Variants in MME observed in about 807,000 individuals in gnomAD.
MME encodes the protein membrane metalloendopeptidase.
In MME, 98 loss-of-function variants were observed where a neutral mutation model predicts 113.2. The observed-to-expected ratio is 0.87, with a 90% CI of 0.74 to 1.02. The LOEUF (loss-of-function observed/expected upper bound fraction) is 1.02, where lower values mean the gene tolerates loss of function less well. MME is among the 50% of genes least tolerant of loss of function. The pLI is 0.00. For missense variants in MME, 836 were observed against 896.0 expected (o/e 0.93, Z 0.86); for synonymous variants, 292 against 300.6 (o/e 0.97, Z 0.30).
At chr3:155,172,830 A>G (rs189256302) in intron 22 of MME, among the ~76,000 whole-genome samples, 18 of 151,906 alleles carry the variant, frequency 1.2e-4, no homozygotes, top group Admixed American at 1.1e-3. Context: ...CAATAATTAT[A>G]ATTCCTTAGA....
At chr3:155,039,241 G>A (rs1713226558) in intron 1 of MME, among the ~76,000 whole-genome samples, 1 of 152,164 alleles carries the variant, frequency 6.6e-6, no homozygotes, top group Non-Finnish European at 1.5e-5. Context: ...TGGTGGGAAG[G>A]TGTGAAAGTC....
chr3:155,087,174 A>G (rs542287408), intron 3 of MME, among the ~76,000 whole-genome samples: 2 of 150,860 alleles, frequency 1.3e-5, no homozygotes, highest in Non-Finnish European at 3.0e-5. Context: ...TATTCACTGA[A>G]CTTTGCAAAA....
rs562083105 is a variant in MME, at chr3:155,034,693, C to T, written c.-11+10369C>T. Among the ~76,000 whole-genome samples the T allele has an allele frequency of 5.3e-5, 8 of 152,268 alleles. No homozygotes were observed. The South Asian group carries it at 1.7e-3, about 32-fold the overall frequency. On this transcript the variant is annotated intron_variant, in intron 1 of 22. Coordinates refer to the MME transcript ENST00000492661. ...ACCCCCTAGGGTCTTAATAAAATAT[C>T]TAGCAGTCATTACTCGATATACTCA...
intron 3 of MME, among the ~76,000 whole-genome samples, chr3:155,087,351 G>A (rs1715854525): frequency 6.6e-6 from 1 of 151,442 alleles, no homozygotes; most frequent in African/African-American, 2.4e-5. Flanking sequence ...GCGTGAGGGA[G>A]ACTTGATTTA....
intron 3 of MME, among the ~76,000 whole-genome samples, chr3:155,091,180 G>T (rs1364951111): frequency 6.6e-6 from 1 of 152,154 alleles, no homozygotes; most frequent in African/African-American, 2.4e-5. Flanking sequence ...TGTGGCATGT[G>T]GCAATTTGCT....
chr3:155,087,545 C>T (rs1431762441), intron 3 of MME, among the ~76,000 whole-genome samples: 1 of 152,102 alleles, frequency 6.6e-6, no homozygotes, highest in South Asian at 2.1e-4. Context: ...CCTATGCTTC[C>T]TCTCTCTACC....
At chr3:155,071,115 G>A (rs1197655491) in intron 1 of MME, among the ~76,000 whole-genome samples, 1 of 152,182 alleles carries the variant, frequency 6.6e-6, no homozygotes, top group African/African-American at 2.4e-5. Flanking sequence ...TTCCAGGCTT[G>A]TGAATGCAAA....
intron 17 of MME, among the ~76,000 whole-genome samples, chr3:155,164,716 A>G (rs1403985127): frequency 6.6e-6 from 1 of 152,190 alleles, no homozygotes; most frequent in Non-Finnish European, 1.5e-5. Flanking sequence ...TTAACTTAAT[A>G]AAGTACTGCA....
chr3:155,140,300 G>C lies in MME; in HGVS notation c.957+8G>C. 1.9e-6 allele frequency: 3 copies of C among 1,580,232 alleles called. No individual in the cohort carries two copies. Among genetic ancestry groups the C allele is most frequent in the Non-Finnish European group, 2.6e-6 (3 of 1,151,252 alleles). On this transcript the variant is annotated splice_region_variant and intron_variant, in intron 10 of 22. Coordinates refer to ENST00000360490, the MANE Select transcript of MME (RefSeq NM_007289.4). ...CTAGAGATCAATGGGAAGGTAAGTGGTAAGTTTTTTGTGCTCTCTTATTGT... is the reference window on the plus strand; with the variant it reads ...CTAGAGATCAATGGGAAGGTAAGTGCTAAGTTTTTTGTGCTCTCTTATTGT...
At chr3:155,051,010 TAAGCA>T (rs1051339648) in intron 1 of MME, among the ~76,000 whole-genome samples, 1 of 152,180 alleles carries the variant, frequency 6.6e-6, no homozygotes, top group African/African-American at 2.4e-5. Flanking sequence ...AGGATATTTC[TAAGCA>T]AAGTGTGGGA....
chr3:155,175,299 T>C (rs2108381420), intron 22 of MME, among the ~76,000 whole-genome samples: 1 of 152,102 alleles, frequency 6.6e-6, no homozygotes, highest in African/African-American at 2.4e-5. Context: ...CCTAGTTTTC[T>C]TTCCTATTAT....
chr3:155,151,891 A>G (rs1344505162), intron 16 of MME, among the ~76,000 whole-genome samples: 1 of 151,770 alleles, frequency 6.6e-6, no homozygotes, highest in Non-Finnish European at 1.5e-5. Context: ...CTGTTCATTG[A>G]CTCATCTCAA....
In MME at chr3:155,148,657, C is replaced by T. The variant is rs938308601; in HGVS notation, c.1601+4C>T. 6.9e-6 allele frequency: 11 copies of T among 1,594,290 alleles called. No individual in the cohort carries two copies. Among genetic ancestry groups the T allele is most frequent in the African/African-American group, 2.7e-5 (2 of 74,538 alleles). On this transcript the variant is annotated splice_donor_region_variant and intron_variant, in intron 16 of 22. Coordinates refer to ENST00000360490, the MANE Select transcript of MME (RefSeq NM_007289.4). ...GAGAAAAGGTGGACAAAGATGAGTG[C>T]GTATATTCTCATTTCTAATGTGATC... is the stretch of plus-strand genomic sequence containing the variant.
intron 17 of MME, among the ~76,000 whole-genome samples, chr3:155,161,618 C>T (rs1476637622): frequency 6.6e-6 from 1 of 152,078 alleles, no homozygotes; most frequent in Non-Finnish European, 1.5e-5. Context: ...TCTACAGTTT[C>T]TTCTAGTATT....
chr3:155,159,845 G>A (rs1722586248), intron 16 of MME, among the ~76,000 whole-genome samples: 1 of 151,956 alleles, frequency 6.6e-6, no homozygotes, highest in South Asian at 2.1e-4. Flanking sequence ...CAATTAGCTG[G>A]AATGTTGTAT....
rs1712190713 is a variant in MME, at chr3:155,173,356, T to C, written c.2153+744T>C. ...GTTAAAAAAAAAAACCTAAAAATTT[T>C]GTAGGGTAGTTGGAAAATGAAATTT... On this transcript the variant is annotated intron_variant, in intron 22 of 22. Coordinates refer to ENST00000360490, the MANE Select transcript of MME (RefSeq NM_007289.4). Among the ~76,000 whole-genome samples, 3 of 151,846 alleles carry C rather than the reference T, an allele frequency of 2.0e-5. No individual in the cohort carries two copies. In the South Asian group the frequency reaches 6.2e-4, roughly 32 times the overall value.
intron 1 of MME, among the ~76,000 whole-genome samples, chr3:155,033,342 C>T (rs113276567): frequency 1.1e-4 from 17 of 152,180 alleles, no homozygotes; most frequent in South Asian, 6.2e-4. Flanking sequence ...ATATTGCTGA[C>T]GTTAGAATAG....
intron 8 of MME, among the ~76,000 whole-genome samples, chr3:155,126,248 A>T (rs748541286): frequency 1.3e-5 from 2 of 152,134 alleles, no homozygotes; most frequent in Non-Finnish European, 2.9e-5. Flanking sequence ...TTGGTTCACT[A>T]TTGTACATTT....
chr3:155,149,816 G>A (rs148685490), intron 16 of MME, among the ~76,000 whole-genome samples: 63 of 152,282 alleles, frequency 4.1e-4, no homozygotes, highest in Non-Finnish European at 6.2e-4. Flanking sequence ...CAACACTGAC[G>A]TGTCCTGAAA....
Sources: allele counts gnomAD v4.1 joint callset (sites outside exome capture counted in the v4.1 genomes callset), GRCh38; gene constraint gnomAD v4.1.1; transcripts MANE v1.5; gene names NCBI Gene and HGNC (gene_info 2026-07-23, HGNC 2026-07-21).